ZFYVE28: variants seen among roughly 807,000 people sequenced by gnomAD.
ZFYVE28 encodes the protein zinc finger FYVE-type containing 28.
ZFYVE28 carries 40 observed loss-of-function variants against 82.1 expected under a neutral mutation model. That is an observed-to-expected ratio of 0.49 (90% confidence interval 0.38 to 0.63). The LOEUF is 0.63. Ranked by LOEUF, ZFYVE28 falls within the 30% of genes least tolerant of loss-of-function variation. The probability of loss-of-function intolerance (pLI) is 0.00; values close to 1 mark genes in which losing one functional copy is unlikely to be tolerated. For synonymous variants in ZFYVE28, 612 were observed against 546.1 expected, an observed-to-expected ratio of 1.12 and a Z score of -1.68; for missense variants, 1,321 against 1,242.1, an observed-to-expected ratio of 1.06 and a Z score of -0.96.
intron 2 of ZFYVE28, among the ~76,000 whole-genome samples, chr4:2,348,704 A>G (rs1356396811): frequency 6.6e-6 from 1 of 152,170 alleles, no homozygotes; most frequent in Non-Finnish European, 1.5e-5. Context: ...CCTGGCATCT[A>G]TATTTTTTAA....
At chr4:2,401,928 G>A (rs932160185) in intron 1 of ZFYVE28, among the ~76,000 whole-genome samples, 7 of 152,160 alleles carry the variant, frequency 4.6e-5, no homozygotes, top group Admixed American at 2.0e-4. Context: ...CCCTCCCAGC[G>A]CTCCCTGAAG....
In ZFYVE28 at chr4:2,418,149, G is replaced by A. The variant is rs1261681764; in HGVS notation, c.39+136C>T. On this transcript the variant is annotated intron_variant, in intron 1 of 12. Transcript: ENST00000290974. This position sits in a 1 kb window ranked among gnomAD's most constrained non-coding sequence, Gnocchi z 4.6. ...GATCTGTCCAAGTCTTGGAGTGGAG[G>A]GAAGGATGTCGGCGGTGGGGGAAGA... is the stretch of plus-strand genomic sequence containing the variant. The A allele has an allele frequency of 7.1e-6, 5 of 701,540 alleles. No homozygotes were observed. The Admixed American group carries it at 1.5e-4, about 21-fold the overall frequency. 43.5% of individuals were successfully genotyped at this position (701,540 alleles called of 1,614,324 possible).
Position 2,352,241 on chromosome 4 carries a change from G to A in ZFYVE28, c.180+1692C>T, listed in dbSNP as rs576558432. 7.9e-5 allele frequency among the ~76,000 whole-genome samples: 12 copies of A among 152,292 alleles called. No homozygotes were observed. In the East Asian group the frequency reaches 2.3e-3, roughly 29 times the overall value. ...AGGGAGCTGGGAGGAACACCGGGGAGCACACCTGGATCTGCGGGGAGGAGA... is the reference window on the plus strand; with the variant it reads ...AGGGAGCTGGGAGGAACACCGGGGAACACACCTGGATCTGCGGGGAGGAGA... On this transcript the variant is annotated intron_variant, in intron 2 of 12. Transcript: ENST00000290974.
intron 1 of ZFYVE28, among the ~76,000 whole-genome samples, chr4:2,365,246 G>A (rs1726738397): frequency 6.6e-6 from 1 of 152,074 alleles, no homozygotes; most frequent in Admixed American, 6.5e-5. Flanking sequence ...CGCAGTGCGC[G>A]GAGGCCACAG....
chr4:2,281,997 A>G (rs1712030862), intron 8 of ZFYVE28, among the ~76,000 whole-genome samples: 1 of 152,212 alleles, frequency 6.6e-6, no homozygotes, highest in Non-Finnish European at 1.5e-5. Context: ...TCACAGAAAG[A>G]CAGGGAGCCA....
chr4:2,350,784 C>A (rs532700020), intron 2 of ZFYVE28, among the ~76,000 whole-genome samples: 1 of 152,308 alleles, frequency 6.6e-6, no homozygotes, highest in East Asian at 1.9e-4. Flanking sequence ...TCCAAAAACA[C>A]CCAAAAGGAC....
intron 1 of ZFYVE28, among the ~76,000 whole-genome samples, chr4:2,411,890 G>A (rs958859180): frequency 6.6e-6 from 1 of 152,212 alleles, no homozygotes; most frequent in African/African-American, 2.4e-5. Context: ...CAAATGGGGG[G>A]CACAGGCCAT....
chr4:2,355,239 T>TG, intron 1 of ZFYVE28, among the ~76,000 whole-genome samples: 1 of 26,992 alleles, frequency 3.7e-5, no homozygotes, highest in Admixed American at 3.5e-4. Context: ...TATATATATA[T>TG]ATATATATAT....
intron 1 of ZFYVE28, among the ~76,000 whole-genome samples, chr4:2,405,066 A>G (rs1408995989): frequency 6.6e-6 from 1 of 152,130 alleles, no homozygotes; most frequent in African/African-American, 2.4e-5. Flanking sequence ...AAATATATAT[A>G]TAACAACAAA....
In ZFYVE28 at chr4:2,305,413, G is replaced by C; in HGVS notation, c.927C>G (p.Ala309=). 1 of 1,612,834 alleles carries C rather than the reference G, an allele frequency of 6.2e-7. No homozygotes were observed. Among genetic ancestry groups the C allele is most frequent in the Non-Finnish European group, 8.5e-7 (1 of 1,179,956 alleles). The change falls in exon 8 of 13, where the codon GCC becomes GCG. Residue 309 remains alanine, a synonymous_variant. Coordinates refer to ENST00000290974, the MANE Select transcript of ZFYVE28 (RefSeq NM_020972.3). The stretch of plus-strand genomic sequence containing the variant: ...CCTCAGGGGGGAGAGGGGCAGAGAG[G>C]GCAGGCGCCAGGGCAGCGGGTCCCT... ...DVQGPAALAP[A]LSAPLPPEGP...
chr4:2,288,121 C>T (rs1044848827), intron 8 of ZFYVE28, among the ~76,000 whole-genome samples: 1 of 152,168 alleles, frequency 6.6e-6, no homozygotes, highest in African/African-American at 2.4e-5. Flanking sequence ...GACAGCAAGG[C>T]ACAGTCACCA....
intron 3 of ZFYVE28, among the ~76,000 whole-genome samples, chr4:2,340,479 G>A (rs1722613061): frequency 6.6e-6 from 1 of 152,206 alleles, no homozygotes; most frequent in South Asian, 2.1e-4. Context: ...GTCCCCTCAG[G>A]GATGATCAAG....
At chr4:2,307,662 A>G (rs545423814) in intron 7 of ZFYVE28, among the ~76,000 whole-genome samples, 21 of 152,026 alleles carry the variant, frequency 1.4e-4, no homozygotes, top group African/African-American at 4.3e-4. Context: ...ATTTTTAATT[A>G]AAAAAATTTT....
At chr4:2,330,536 G>A (rs996119393) in intron 6 of ZFYVE28, 17 of 1,163,970 alleles carry the variant, frequency 1.5e-5, no homozygotes, top group Non-Finnish European at 1.5e-5. Flanking sequence ...CAGAGGAAGG[G>A]ACAGCATGGA....
intron 1 of ZFYVE28, among the ~76,000 whole-genome samples, chr4:2,377,282 A>C (rs1728261197): frequency 6.8e-6 from 1 of 146,342 alleles, no homozygotes; most frequent in Admixed American, 6.8e-5. Flanking sequence ...CGGCCTCCCA[A>C]AGTGCTGGAA....
intron 1 of ZFYVE28, among the ~76,000 whole-genome samples, chr4:2,376,031 G>A (rs530695002): frequency 7.3e-5 from 11 of 151,722 alleles, no homozygotes; most frequent in Admixed American, 5.9e-4. Context: ...CTGCCACCAC[G>A]CCTGGCTAAT....
Position 2,342,151 on chromosome 4 carries a change from G to A in ZFYVE28, c.181-536C>T, listed in dbSNP as rs114267250. 6.2e-3 allele frequency among the ~76,000 whole-genome samples: 937 copies of A among 152,308 alleles called. 11 individuals carry two copies. Among genetic ancestry groups the A allele is most frequent in the African/African-American group, 0.021 (877 of 41,572 alleles). ...CTTAGGGTCAGAAGAGTGCAGTTAC[G>A]TCAAGGCCAGGCACAGCTGGGGCCT... On this transcript the variant is annotated intron_variant, in intron 2 of 12. Coordinates refer to ENST00000290974, the MANE Select transcript of ZFYVE28 (RefSeq NM_020972.3).
chr4:2,331,308 G>A (rs1419230774), intron 6 of ZFYVE28, among the ~76,000 whole-genome samples: 2 of 151,980 alleles, frequency 1.3e-5, no homozygotes, highest in Non-Finnish European at 2.9e-5. Context: ...TGACCACTGG[G>A]TCTAGAGGTT....
chr4:2,310,747 T>C (rs573644277), intron 7 of ZFYVE28, among the ~76,000 whole-genome samples: 3 of 152,344 alleles, frequency 2.0e-5, no homozygotes, highest in African/African-American at 7.2e-5. Flanking sequence ...GAGATTGCAG[T>C]GAGTCTAGAT....
Sources: allele counts gnomAD v4.1 joint callset (sites outside exome capture counted in the v4.1 genomes callset), GRCh38; gene constraint gnomAD v4.1.1; non-coding constraint Gnocchi (gnomAD v3.1); transcripts MANE v1.5; gene names NCBI Gene and HGNC (gene_info 2026-07-23, HGNC 2026-07-21).